The following ASAP1 variants were observed in gnomAD, a reference collection of about 807,000 sequenced individuals.
ASAP1 encodes the protein ArfGAP with SH3 domain, ankyrin repeat and PH domain 1, also known as arf-GAP with SH3 domain, ANK repeat and PH domain-containing protein 1.
Under a neutral mutation model 145.2 loss-of-function variants are expected in ASAP1, and 43 were observed. The ratio of observed to expected loss-of-function variants is 0.30; its 90% CI spans 0.23 to 0.38. The LOEUF (loss-of-function observed/expected upper bound fraction) is 0.38, where lower values mean the gene tolerates loss of function less well. ASAP1 is among the 10% of genes least tolerant of loss of function. The pLI is 1.00. For missense variants in ASAP1, 1,018 were observed against 1,355.3 expected (o/e 0.75, Z 3.91); for synonymous variants, 546 against 515.5 (o/e 1.06, Z -0.80).
chr8:130,113,393 C>T (rs1418575588), intron 23 of ASAP1, among the ~76,000 whole-genome samples: 1 of 152,196 alleles, frequency 6.6e-6, no homozygotes, highest in African/African-American at 2.4e-5. Context: ...TCCTTAGAAA[C>T]CCATCTCCAA....
intron 25 of ASAP1, among the ~76,000 whole-genome samples, chr8:130,090,382 A>G (rs189071981): frequency 1.2e-4 from 19 of 152,338 alleles, no homozygotes; most frequent in African/African-American, 3.8e-4. Context: ...ATTTGGGGGA[A>G]AGGCCTTTTT....
intron 2 of ASAP1, among the ~76,000 whole-genome samples, chr8:130,366,205 C>T (rs2138238857): frequency 6.6e-6 from 1 of 152,284 alleles, no homozygotes; most frequent in African/African-American, 2.4e-5. Flanking sequence ...GTTGTCTTTG[C>T]ATCACAGAAT....
chr8:130,143,325 C>T (rs2097617264), intron 13 of ASAP1, among the ~76,000 whole-genome samples: 1 of 150,874 alleles, frequency 6.6e-6, no homozygotes, highest in African/African-American at 2.4e-5. Context: ...AGAAACCAAA[C>T]ATTAGTTGTT....
intron 1 of ASAP1, among the ~76,000 whole-genome samples, chr8:130,429,828 G>A (rs1444728440): frequency 1.3e-5 from 2 of 152,210 alleles, no homozygotes; most frequent in South Asian, 2.1e-4. Flanking sequence ...GAAGAATAAC[G>A]CATGTATACT....
intron 5 of ASAP1, among the ~76,000 whole-genome samples, chr8:130,203,807 C>G (rs1351712137): frequency 6.6e-6 from 1 of 152,172 alleles, no homozygotes; most frequent in African/African-American, 2.4e-5. Context: ...AAAGAAAGAG[C>G]TCTGGAGGCT....
At chr8:130,244,266 G>T (rs569444810) in intron 3 of ASAP1, among the ~76,000 whole-genome samples, 4 of 152,314 alleles carry the variant, frequency 2.6e-5, no homozygotes, top group African/African-American at 9.6e-5. Flanking sequence ...TTGAGGACCT[G>T]TTGGTGGTTT....
chr8:130,416,220 C>T (rs1376677594), intron 1 of ASAP1, among the ~76,000 whole-genome samples: 2 of 152,066 alleles, frequency 1.3e-5, no homozygotes, highest in African/African-American at 4.8e-5. Flanking sequence ...TTCAGGGTGC[C>T]CATTAGAATG....
chr8:130,256,721 T>C lies in ASAP1; in HGVS notation c.187-19727A>G, dbSNP rs199779145. ...GGATAAAGAAAATTCAAAATCTTCT[T>C]CCTGAATATACACATTCTTATATAT... On this transcript the variant is annotated intron_variant, in intron 3 of 29. Transcript: ENST00000518721. 2.4e-5 allele frequency among the ~76,000 whole-genome samples: 3 copies of C among 124,080 alleles called. No individual in the cohort carries two copies. The East Asian group carries it at 6.5e-4, about 27-fold the overall frequency. The allele number at this position is 124,080 out of a possible 152,430, so 81.4% of individuals were successfully genotyped here.
chr8:130,260,762 C>A (rs948917026), intron 3 of ASAP1, among the ~76,000 whole-genome samples: 2 of 152,152 alleles, frequency 1.3e-5, no homozygotes, highest in Non-Finnish European at 2.9e-5. Flanking sequence ...GAACCACTTG[C>A]GCTCTCCAGC....
At chr8:130,294,286 T>A (rs1822123119) in intron 3 of ASAP1, among the ~76,000 whole-genome samples, 1 of 152,182 alleles carries the variant, frequency 6.6e-6, no homozygotes, top group Admixed American at 6.5e-5. Context: ...AAGTATTTGG[T>A]AATGAGTTCT....
At chr8:130,167,121 T>C (rs563247093) in intron 11 of ASAP1, among the ~76,000 whole-genome samples, 13 of 152,032 alleles carry the variant, frequency 8.6e-5, no homozygotes, top group African/African-American at 3.1e-4. Flanking sequence ...CAGGGCAACA[T>C]GGTCAAACTC....
intron 18 of ASAP1, among the ~76,000 whole-genome samples, chr8:130,121,534 C>CA (rs2097565837): frequency 6.6e-6 from 1 of 152,144 alleles, no homozygotes. Flanking sequence ...GTAATCCCAG[C>CA]ACACTGGGAG....
intron 3 of ASAP1, among the ~76,000 whole-genome samples, chr8:130,252,258 CAA>C (rs1819244351): frequency 6.8e-6 from 1 of 147,192 alleles, no homozygotes; most frequent in African/African-American, 2.7e-5. Flanking sequence ...TTTAGAACAT[CAA>C]GTTACATGTA....
At chr8:130,433,813 T>C (rs1013796943) in intron 1 of ASAP1, among the ~76,000 whole-genome samples, 5 of 152,238 alleles carry the variant, frequency 3.3e-5, no homozygotes, top group South Asian at 2.1e-4. Flanking sequence ...ATTGCTTTAT[T>C]TGACACCCTT....
chr8:130,417,834 TC>T (rs532100280), intron 1 of ASAP1, among the ~76,000 whole-genome samples: 161 of 152,170 alleles, frequency 1.1e-3, no homozygotes, highest in Admixed American at 5.2e-3. Flanking sequence ...CAGGCTTACA[TC>T]CAGACACAAT....
chr8:130,231,183 A>G (rs1817889974), intron 4 of ASAP1, among the ~76,000 whole-genome samples: 1 of 152,184 alleles, frequency 6.6e-6, no homozygotes, highest in Admixed American at 6.5e-5. Context: ...TTTTTGCCTT[A>G]AAAAACACAA....
At chr8:130,401,383 T>G (rs2138571120) in intron 2 of ASAP1, among the ~76,000 whole-genome samples, 1 of 151,610 alleles carries the variant, frequency 6.6e-6, no homozygotes, top group South Asian at 2.1e-4. Flanking sequence ...GTAGCTGAGA[T>G]TACAGTCACA....
At chr8:130,204,626 G>C (rs550720337) in intron 5 of ASAP1, among the ~76,000 whole-genome samples, 21 of 152,212 alleles carry the variant, frequency 1.4e-4, no homozygotes, top group African/African-American at 4.8e-4. Context: ...TCAAACCAAT[G>C]AACTACAACA....
intron 2 of ASAP1, among the ~76,000 whole-genome samples, chr8:130,367,619 C>A (rs988522805): frequency 1.3e-5 from 2 of 152,164 alleles, no homozygotes; most frequent in African/African-American, 4.8e-5. Context: ...AAAATCAGCA[C>A]CTTGGGGCAC....
Sources: gnomAD v4.1 joint callset for allele counts (sites outside exome capture counted in the v4.1 genomes callset) on GRCh38, gnomAD v4.1.1 for gene constraint, MANE v1.5 for transcripts, NCBI Gene and HGNC (gene_info 2026-07-23, HGNC 2026-07-21) for gene names.